TUSC3: variants seen among roughly 807,000 people sequenced by gnomAD.
The protein encoded by TUSC3 is dolichyl-diphosphooligosaccharide--protein glycosyltransferase subunit TUSC3.
In TUSC3, 45 loss-of-function variants were observed where a neutral mutation model predicts 44.8. That is an observed-to-expected ratio of 1.00 (90% CI 0.79 to 1.29). TUSC3 has a LOEUF of 1.29. TUSC3 is among the 50% of genes most tolerant of loss of function. TUSC3 has a pLI of 0.00. For missense variants in TUSC3, 519 were observed against 437.9 expected, an observed-to-expected ratio of 1.19 and a Z score of -1.65; for synonymous variants, 212 against 152.9, an observed-to-expected ratio of 1.39 and a Z score of -2.85.
At chr8:15,692,948 A>G (rs921510845) in intron 6 of TUSC3, among the ~76,000 whole-genome samples, 6 of 152,036 alleles carry the variant, frequency 3.9e-5, no homozygotes, top group Admixed American at 1.3e-4. Context: ...TGCTTTAAAG[A>G]ATGTTTTGTC....
At chr8:15,449,649 C>T (rs929063218) in intron 1 of TUSC3, among the ~76,000 whole-genome samples, 2 of 152,176 alleles carry the variant, frequency 1.3e-5, no homozygotes, top group African/African-American at 4.8e-5. Flanking sequence ...TCCCATCCCA[C>T]AGGAATTCAG....
chr8:15,517,468 A>T (rs17116318), intron 2 of TUSC3, among the ~76,000 whole-genome samples: 2,516 of 144,682 alleles, frequency 0.017, 47 homozygotes, highest in East Asian at 0.083. Context: ...GAGATGGTAA[A>T]TAATGACTGA....
intron 1 of TUSC3, among the ~76,000 whole-genome samples, chr8:15,430,334 C>G (rs560870451): frequency 6.7e-6 from 1 of 149,956 alleles, no homozygotes; most frequent in South Asian, 2.1e-4. Flanking sequence ...ATAAACAAAT[C>G]AATAAACGTA....
chr8:15,839,728 C>T, the TUSC3 span, among the ~76,000 whole-genome samples: 3 of 152,158 alleles, frequency 2.0e-5, no homozygotes, highest in African/African-American at 7.2e-5. Context: ...CAGGAAACAA[C>T]AGGTGCTGGA....
the TUSC3 span, among the ~76,000 whole-genome samples, chr8:15,805,108 G>A: frequency 2.6e-5 from 4 of 152,150 alleles, no homozygotes; most frequent in East Asian, 1.9e-4. Flanking sequence ...AAATGAGAAC[G>A]TGTTCCTGAT....
intron 2 of TUSC3, among the ~76,000 whole-genome samples, chr8:15,519,857 C>T (rs1235496662): frequency 6.6e-6 from 1 of 152,196 alleles, no homozygotes; most frequent in African/African-American, 2.4e-5. Flanking sequence ...AATTCTCAAG[C>T]TCATTTAATG....
Position 15,766,354 on chromosome 8 carries a change from C to A in TUSC3, c.*2198C>A, listed in dbSNP as rs1812325590. ...AGAATGTAACGTGCAAAATCACATA[C>A]ATGCGATGTATTTACCTTTGCTAGA... On this transcript the variant is annotated 3_prime_UTR_variant, in exon 11 of 11. Coordinates refer to ENST00000503731, the MANE Select transcript of TUSC3 (RefSeq NM_006765.4). 1 of 152,052 alleles carries A rather than the reference C, an allele frequency of 6.6e-6. No homozygotes were observed. The highest frequency in any genetic ancestry group is 2.4e-5 in the African/African-American group (1 of 41,420). 9.4% of individuals were successfully genotyped at this position (152,052 alleles called of 1,614,324 possible).
At chr8:15,805,831 G>C in the TUSC3 span, among the ~76,000 whole-genome samples, 1 of 152,212 alleles carries the variant, frequency 6.6e-6, no homozygotes, top group East Asian at 1.9e-4. Flanking sequence ...TTGATAGAAT[G>C]AGTTAGGGAG....
intron 2 of TUSC3, among the ~76,000 whole-genome samples, chr8:15,496,734 ATTTTAACAGGGAGAGCTGGGTCG>A (rs1466072316): frequency 6.6e-6 from 1 of 152,146 alleles, no homozygotes; most frequent in Non-Finnish European, 1.5e-5. Context: ...AGTGTGGGTC[ATTTTAACAGGGAGAGCTGGGTCG>A]TTTTAGCACG....
chr8:15,561,209 T>G (rs1369436430), intron 1 of TUSC3, among the ~76,000 whole-genome samples: 1 of 135,738 alleles, frequency 7.4e-6, no homozygotes, highest in Admixed American at 7.5e-5. Context: ...TGTTTGTTAG[T>G]TTTCCTTCTA....
chr8:15,514,904 T>C (rs73665425), intron 2 of TUSC3, among the ~76,000 whole-genome samples: 2,998 of 152,280 alleles, frequency 0.02, 95 homozygotes, highest in African/African-American at 0.069. Flanking sequence ...AACTATATTT[T>C]ATAGTTGTGG....
chr8:15,602,690 GTGTGTGTA>G (rs1045359647), intron 1 of TUSC3, among the ~76,000 whole-genome samples: 10 of 148,750 alleles, frequency 6.7e-5, no homozygotes, highest in East Asian at 2.0e-4. Flanking sequence ...GTGTGTGTGT[GTGTGTGTA>G]TATATGTGTA....
At chr8:15,843,596 ATATAT>A in the TUSC3 span, among the ~76,000 whole-genome samples, 2,330 of 136,112 alleles carry the variant, frequency 0.017, 116 homozygotes, top group African/African-American at 0.055. Flanking sequence ...TGATGTACAT[ATATAT>A]ATATATATAT....
In TUSC3 at chr8:15,549,476, GTACT is replaced by G. The variant is rs554382901; in HGVS notation, c.138+8915_138+8918del. Among the ~76,000 whole-genome samples the G allele has an allele frequency of 1.4e-4, 21 of 151,764 alleles. No individual in the cohort carries two copies. In the East Asian group the frequency reaches 4.1e-3, roughly 30 times the overall value. ...CGTGAGCCACCATGCTCGGCCTAAT[GTACT>G]TACTTATTTTTTTGTGTGTGCCTAT... On this transcript the variant is annotated intron_variant, in intron 1 of 10. Coordinates refer to ENST00000503731, the MANE Select transcript of TUSC3 (RefSeq NM_006765.4).
intron 8 of TUSC3, among the ~76,000 whole-genome samples, chr8:15,744,509 T>G (rs1409218159): frequency 6.6e-6 from 1 of 152,092 alleles, no homozygotes; most frequent in African/African-American, 2.4e-5. Flanking sequence ...TGAAAAAGAG[T>G]ATTTATTAAG....
At chr8:15,750,258 C>T (rs1050932554) in intron 9 of TUSC3, among the ~76,000 whole-genome samples, 7 of 151,992 alleles carry the variant, frequency 4.6e-5, no homozygotes, top group South Asian at 2.1e-4. Flanking sequence ...GGATTACAGG[C>T]GTGAGCCACC....
At chr8:15,506,543 C>A (rs775098034) in intron 2 of TUSC3, among the ~76,000 whole-genome samples, 1 of 152,150 alleles carries the variant, frequency 6.6e-6, no homozygotes, top group Non-Finnish European at 1.5e-5. Context: ...AATGGACTCA[C>A]AGTTCCACAT....
chr8:15,659,167 G>T (rs1807308188), intron 3 of TUSC3, among the ~76,000 whole-genome samples: 1 of 151,964 alleles, frequency 6.6e-6, no homozygotes, highest in Admixed American at 6.6e-5. Flanking sequence ...CTGCCAAACT[G>T]CTATATTTCT....
the TUSC3 span, among the ~76,000 whole-genome samples, chr8:15,816,549 C>G: frequency 6.6e-6 from 1 of 152,120 alleles, no homozygotes; most frequent in Non-Finnish European, 1.5e-5. Context: ...ACTCTTCTAT[C>G]CCTGGGAATT....
Sources: allele counts gnomAD v4.1 joint callset (sites outside exome capture counted in the v4.1 genomes callset), GRCh38; gene constraint gnomAD v4.1.1; transcripts MANE v1.5; gene names NCBI Gene and HGNC (gene_info 2026-07-23, HGNC 2026-07-21).